UGT1A5: variants seen among roughly 807,000 people sequenced by gnomAD.
The protein encoded by UGT1A5 is UDP-glucuronosyltransferase 1A5.
A neutral mutation model predicts 40.3 loss-of-function variants in UGT1A5; 29 were observed. The observed-to-expected ratio is 0.72, with a 90% confidence interval of 0.54 to 0.98. The LOEUF (loss-of-function observed/expected upper bound fraction) is 0.98, where lower values mean the gene tolerates loss of function less well. Among genes scored for constraint, UGT1A5 ranks in the 50% least tolerant of loss-of-function variants. The pLI is 0.00. For missense variants in UGT1A5, 678 were observed against 677.9 expected, an observed-to-expected ratio of 1.00 and a Z score of 0.00; for synonymous variants, 257 against 262.5, an observed-to-expected ratio of 0.98 and a Z score of 0.20.
intron 1 of UGT1A5, among the ~76,000 whole-genome samples, chr2:233,734,109 T>C (rs1028372875): frequency 6.6e-6 from 1 of 152,072 alleles, no homozygotes; most frequent in African/African-American, 2.4e-5. Flanking sequence ...AGTATAATAA[T>C]AATAATAATA....
chr2:233,724,618 G>A (rs1325870277), intron 1 of UGT1A5, among the ~76,000 whole-genome samples: 1 of 137,250 alleles, frequency 7.3e-6, no homozygotes, highest in East Asian at 2.4e-4. Flanking sequence ...GGGCAGAGAC[G>A]CTCCTCACTT....
intron 1 of UGT1A5, among the ~76,000 whole-genome samples, chr2:233,726,331 C>A (rs898548496): frequency 2.0e-5 from 3 of 152,168 alleles, no homozygotes; most frequent in Non-Finnish European, 4.4e-5. Flanking sequence ...GTTTCAGCAC[C>A]TGTGGTTTTT....
intron 1 of UGT1A5, among the ~76,000 whole-genome samples, chr2:233,751,100 G>A (rs895970679): frequency 2.6e-5 from 4 of 151,920 alleles, no homozygotes; most frequent in African/African-American, 9.7e-5. Context: ...GGAGGGCTTT[G>A]CCCTGCAAGC....
Position 233,768,459 on chromosome 2 carries a change from A to G in UGT1A5, c.1307+20A>G, listed in dbSNP as rs746261768. ...CAAAAGGTAAGAAAGAAGATACAGA[A>G]GAATACTTTGGTCATGGCATTCATG... On this transcript the variant is annotated intron_variant, in intron 4 of 4. Transcript: ENST00000373414. 1.1e-5 allele frequency: 17 copies of G among 1,609,762 alleles called. No homozygotes were observed. In the South Asian group the frequency reaches 1.9e-4, roughly 18 times the overall value.
intron 1 of UGT1A5, chr2:233,718,959 G>A: frequency 9.3e-6 from 15 of 1,614,212 alleles, no homozygotes; most frequent in Non-Finnish European, 1.3e-5. Context: ...CATGCGGGAG[G>A]CCTTGCGGGA....
At chr2:233,736,318 T>G (rs1275483454) in intron 1 of UGT1A5, among the ~76,000 whole-genome samples, 1 of 152,256 alleles carries the variant, frequency 6.6e-6, no homozygotes, top group Non-Finnish European at 1.5e-5. Flanking sequence ...TTGAATTTTG[T>G]GCATGTGTTA....
chr2:233,725,264 G>GGCAGAGGCAGAGGCA (rs1216362118), intron 1 of UGT1A5, among the ~76,000 whole-genome samples: 1 of 58,548 alleles, frequency 1.7e-5, no homozygotes, highest in African/African-American at 1.3e-4. Flanking sequence ...CAGAGGCAGA[G>GGCAGAGGCAGAGGCA]GAGGCAGAGG....
rs778526502 is a variant in UGT1A5, at chr2:233,713,010, G to T, written c.19G>T (p.Val7Phe). MATGLQ[V>F]PLPQLATGLL... ...TGCTGAGATGGCCACAGGACTCCAG[G>T]TTCCCCTGCCGCAGCTGGCCACAGG... Residue 7 changes from valine (V) to phenylalanine (F), a missense_variant, in exon 1 of 5, where the codon GTT (valine) becomes TTT (phenylalanine). Transcript: ENST00000373414. 1 of 1,613,520 alleles carries T rather than the reference G, an allele frequency of 6.2e-7. No homozygotes were observed. The highest frequency in any genetic ancestry group is 1.3e-5 in the African/African-American group (1 of 74,926).
At position 233,752,043 on chromosome 2, in the gene UGT1A5, T is replaced by C. The variant is rs1333661781; in HGVS notation, c.868-14991T>C. Among the ~76,000 whole-genome samples the C allele has an allele frequency of 2.0e-5, 3 of 152,216 alleles. No homozygotes were observed. The South Asian group carries it at 6.2e-4, about 32-fold the overall frequency. ...AGAAATTCCTAGAAAGGTAAGCTGT[T>C]GTGTGAATGATTTCCCGAGATGGGG... On this transcript the variant is annotated intron_variant, in intron 1 of 4. Coordinates refer to ENST00000373414, the MANE Select transcript of UGT1A5 (RefSeq NM_019078.2).
intron 1 of UGT1A5, chr2:233,760,589 A>T: frequency 6.2e-7 from 1 of 1,614,196 alleles, no homozygotes; most frequent in South Asian, 1.1e-5. Flanking sequence ...AATGTTTTTG[A>T]GAATGATTCT....
At chr2:233,760,902 C>T (rs1400244302) in intron 1 of UGT1A5, 7 of 1,613,974 alleles carry the variant, frequency 4.3e-6, no homozygotes, top group Non-Finnish European at 5.9e-6. Context: ...ATCACATGAC[C>T]TTCCTGCAGC....
At chr2:233,736,931 A>ACCTATAT (rs1358475189) in intron 1 of UGT1A5, among the ~76,000 whole-genome samples, 2 of 152,012 alleles carry the variant, frequency 1.3e-5, no homozygotes, top group Non-Finnish European at 2.9e-5. Context: ...AGGCGCACCC[A>ACCTATAT]CCTATATGAG....
In UGT1A5 at chr2:233,713,080, A is replaced by G. The variant is rs1178501043; in HGVS notation, c.89A>G (p.Lys30Arg). 6.2e-7 allele frequency: 1 copy of G among 1,614,182 alleles called. No homozygotes were observed. Among genetic ancestry groups the G allele is most frequent in the Non-Finnish European group, 8.5e-7 (1 of 1,180,020 alleles). ...GTCCAGCCCTGGGCTGAGAGTGGGA[A>G]GGTGCTGGTGGTGCCCACTGATGGC... ...LSVQPWAESG[K>R]VLVVPTDGSH... Residue 30 changes from lysine to arginine, a missense_variant, in exon 1 of 5, where the codon AAG (lysine) becomes AGG (arginine). Physicochemically the swap from Lys to Arg is conservative, Grantham distance 26 (BLOSUM62 2). Transcript: ENST00000373414.
intron 1 of UGT1A5, among the ~76,000 whole-genome samples, chr2:233,741,104 C>CA (rs1259061877): frequency 6.6e-6 from 1 of 151,798 alleles, no homozygotes; most frequent in South Asian, 2.1e-4. Context: ...AACAGACAAT[C>CA]AAGCTTTACA....
At chr2:233,761,216 A>T in intron 1 of UGT1A5, 2 of 1,613,736 alleles carry the variant, frequency 1.2e-6, no homozygotes, top group Non-Finnish European at 1.7e-6. Flanking sequence ...TGGATCGATT[A>T]ACTAGCCCCA....
At position 233,719,059 on chromosome 2, in the gene UGT1A5, A is replaced by G. The variant is rs747301276; in HGVS notation, c.867+5201A>G. The G allele has an allele frequency of 3.7e-6, 6 of 1,614,138 alleles. No individual in the cohort carries two copies. In the South Asian group the frequency reaches 4.4e-5, roughly 12 times the overall value. On this transcript the variant is annotated intron_variant, in intron 1 of 4. Transcript: ENST00000373414. Reference sequence around the variant, plus strand: ...GAGAAATTTTTCACCCTGACAGCCTATGCTGTTCCATGGACCCAGAAGGAA... The same window carrying G: ...GAGAAATTTTTCACCCTGACAGCCTGTGCTGTTCCATGGACCCAGAAGGAA...
At chr2:233,765,342 T>G (rs1698805328) in intron 1 of UGT1A5, among the ~76,000 whole-genome samples, 1 of 152,198 alleles carries the variant, frequency 6.6e-6, no homozygotes. Flanking sequence ...AATAACAAAG[T>G]CATGGAACCA....
At chr2:233,764,328 G>A (rs35377848) in intron 1 of UGT1A5, among the ~76,000 whole-genome samples, 4 of 152,284 alleles carry the variant, frequency 2.6e-5, no homozygotes, top group East Asian at 3.9e-4. Flanking sequence ...TTGCCAAGTA[G>A]GGGATGGACT....
At chr2:233,741,946 A>T (rs1293176575) in intron 1 of UGT1A5, 1 of 151,876 alleles carries the variant, frequency 6.6e-6, no homozygotes, top group Non-Finnish European at 1.5e-5. Flanking sequence ...TGCCAACAGA[A>T]AGGTACTTTC....
Sources: allele counts gnomAD v4.1 joint callset (sites outside exome capture counted in the v4.1 genomes callset), GRCh38; gene constraint gnomAD v4.1.1; transcripts MANE v1.5; gene names NCBI Gene and HGNC (gene_info 2026-07-23, HGNC 2026-07-21).